The following ZNF83 variants were observed in gnomAD, a reference collection of about 807,000 sequenced individuals.
ZNF83 encodes zinc finger protein 816B.
For missense variants in ZNF83, 552 were observed against 629.9 expected, an observed-to-expected ratio of 0.88 and a Z score of 1.32; for synonymous variants, 209 against 213.0, an observed-to-expected ratio of 0.98 and a Z score of 0.17.
chr19:52,632,268 A>G (rs576614080), intron 2 of ZNF83, among the ~76,000 whole-genome samples: 25 of 152,222 alleles, frequency 1.6e-4, no homozygotes, highest in Non-Finnish European at 3.4e-4. Context: ...AGAAAAGTAG[A>G]ACGGACTAAA....
chr19:52,625,375 A>C (rs1287213765), intron 2 of ZNF83, among the ~76,000 whole-genome samples: 1 of 151,176 alleles, frequency 6.6e-6, no homozygotes, highest in East Asian at 1.9e-4. Context: ...CTTAATAAAA[A>C]CTCTTCTCAA....
At chr19:52,627,517 C>T (rs2060789359) in intron 2 of ZNF83, among the ~76,000 whole-genome samples, 1 of 152,052 alleles carries the variant, frequency 6.6e-6, no homozygotes, top group Non-Finnish European at 1.5e-5. Flanking sequence ...CAAAAATTAG[C>T]CAGGCATGAT....
At chr19:52,639,944 GAGTACATGTTTTCAAGATA>G (rs1270603144), upstream of ZNF83, among the ~76,000 whole-genome samples, 20 of 152,276 alleles carry the variant, frequency 1.3e-4, no homozygotes, top group African/African-American at 4.3e-4. Flanking sequence ...ACAACCCATT[GAGTACATGTTTTCAAGATA>G]AACACTAATC....
chr19:52,683,117 G>T (rs552608037), intron 1 of ZNF83, among the ~76,000 whole-genome samples: 1 of 152,090 alleles, frequency 6.6e-6, no homozygotes, highest in Non-Finnish European at 1.5e-5. Flanking sequence ...TGATCCACCC[G>T]CCTTGGCCTC....
chr19:52,613,521 A>T, exon 3 of ZNF83: 1 of 1,614,066 alleles, frequency 6.2e-7, no homozygotes, highest in Non-Finnish European at 8.5e-7. Context: ...TGCCACATTC[A>T]TTACATTTGT....
At chr19:52,652,411 G>A (rs910450735) in intron 3 of ZNF83, 3 of 364,978 alleles carry the variant, frequency 8.2e-6, no homozygotes, top group Non-Finnish European at 1.6e-5. Flanking sequence ...CCCCAGCCTG[G>A]ACAAAAGAGT....
At chr19:52,631,291 A>C (rs1199927687) in intron 2 of ZNF83, among the ~76,000 whole-genome samples, 1 of 151,890 alleles carries the variant, frequency 6.6e-6, no homozygotes, top group Non-Finnish European at 1.5e-5. Context: ...ACAAAACAAC[A>C]ACTCCTTTCC....
intron 3 of ZNF83, among the ~76,000 whole-genome samples, chr19:52,645,583 G>C (rs534283868): frequency 3.3e-5 from 5 of 152,250 alleles, no homozygotes; most frequent in African/African-American, 1.2e-4. Flanking sequence ...AAGATGTGCA[G>C]ATCACCTGAG....
intron 3 of ZNF83, among the ~76,000 whole-genome samples, chr19:52,645,916 T>G (rs2061367491): frequency 6.6e-6 from 1 of 151,560 alleles, no homozygotes; most frequent in Non-Finnish European, 1.5e-5. Flanking sequence ...CATGTTCCTG[T>G]TTTTGATTTT....
chr19:52,642,067 T>C (rs189231800), upstream of ZNF83, among the ~76,000 whole-genome samples: 25 of 152,216 alleles, frequency 1.6e-4, no homozygotes, highest in Admixed American at 3.9e-4. Context: ...ATCTGGCTCA[T>C]TGACTCTGAA....
At chr19:52,630,382 G>A (rs1044823357) in intron 2 of ZNF83, among the ~76,000 whole-genome samples, 3 of 152,124 alleles carry the variant, frequency 2.0e-5, no homozygotes, top group African/African-American at 7.2e-5. Context: ...TTCTTTTCAA[G>A]GGCCTGTTTC....
rs746436234 is a variant in ZNF83 at position 52,615,616 on chromosome 19, A to AT, written c.-233-820_-233-819insA. ...TAGCAAAACTCCATCTCAAAAAAAA[A>AT]GCAGACTGGGGTAAAATAGAAAGAA... On this transcript the variant is annotated intron_variant, in intron 2 of 2. Coordinates refer to ENST00000301096, the Ensembl canonical transcript of ZNF83. Among the ~76,000 whole-genome samples the AT allele has an allele frequency of 1.3e-3, 202 of 152,302 alleles. 1 individual carries two copies. The highest frequency in any genetic ancestry group is 2.4e-3 in the Non-Finnish European group (164 of 68,020).
chr19:52,661,892 T>G (rs763528957), intron 1 of ZNF83, among the ~76,000 whole-genome samples: 10 of 147,868 alleles, frequency 6.8e-5, no homozygotes, highest in Non-Finnish European at 1.5e-4. Context: ...AGGCTGCTTG[T>G]CACTTGCAGC....
At chr19:52,621,827 T>C (rs374853769) in intron 2 of ZNF83, among the ~76,000 whole-genome samples, 9 of 152,302 alleles carry the variant, frequency 5.9e-5, no homozygotes, top group African/African-American at 1.9e-4. Flanking sequence ...GATTTCTCCA[T>C]CCTACAAGAC....
chr19:52,655,779 C>T, intron 2 of ZNF83: 1 of 632,972 alleles, frequency 1.6e-6, no homozygotes, highest in Non-Finnish European at 2.8e-6. Context: ...TTGATTTGAT[C>T]CAAGACGGTG....
chr19:52,627,852 C>T (rs561032934), intron 2 of ZNF83, among the ~76,000 whole-genome samples: 2 of 152,266 alleles, frequency 1.3e-5, no homozygotes, highest in Middle Eastern at 6.8e-3. Context: ...ACGTACACAT[C>T]CAGATGGCCA....
At chr19:52,683,623 T>A (rs1358357485) in intron 1 of ZNF83, among the ~76,000 whole-genome samples, 1 of 152,046 alleles carries the variant, frequency 6.6e-6, no homozygotes, top group Non-Finnish European at 1.5e-5. Flanking sequence ...TTCACACAGA[T>A]GACAAAAATG....
intron 1 of ZNF83, among the ~76,000 whole-genome samples, chr19:52,662,614 G>C (rs1335485103): frequency 6.6e-6 from 1 of 152,096 alleles, no homozygotes; most frequent in Admixed American, 6.5e-5. Flanking sequence ...TATTACACCT[G>C]AGCATTACCA....
intron 2 of ZNF83, among the ~76,000 whole-genome samples, chr19:52,624,859 C>T (rs1478167159): frequency 6.6e-6 from 1 of 152,146 alleles, no homozygotes; most frequent in Non-Finnish European, 1.5e-5. Flanking sequence ...TTCTTCCTCA[C>T]ACCTGATGCA....
Sources: gnomAD v4.1 joint callset for allele counts (sites outside exome capture counted in the v4.1 genomes callset) on GRCh38, gnomAD v4.1.1 for gene constraint, MANE v1.5 for transcripts, NCBI Gene and HGNC (gene_info 2026-07-23, HGNC 2026-07-21) for gene names.